The following NCKAP1L variants were observed in gnomAD, a reference collection of about 807,000 sequenced individuals.
NCKAP1L encodes nck-associated protein 1-like.
Under a neutral mutation model 139.2 loss-of-function variants are expected in NCKAP1L, and 53 were observed. That is an observed-to-expected ratio of 0.38 (90% CI 0.31 to 0.48). The LOEUF (loss-of-function observed/expected upper bound fraction) is 0.48. Among genes scored for constraint, NCKAP1L ranks in the 20% least tolerant of loss-of-function variants. The pLI is 0.98. For missense variants in NCKAP1L, 1,151 were observed against 1,381.9 expected, an observed-to-expected ratio of 0.83 and a Z score of 2.65; for synonymous variants, 468 against 499.7, an observed-to-expected ratio of 0.94 and a Z score of 0.85.
At chr12:54,530,472 C>T (rs551071518) in intron 22 of NCKAP1L, among the ~76,000 whole-genome samples, 59 of 152,108 alleles carry the variant, frequency 3.9e-4, no homozygotes, top group African/African-American at 1.3e-3. Flanking sequence ...TGAGACTCTG[C>T]GGGATGTGTG....
chr12:54,526,892 A>G lies in NCKAP1L; in HGVS notation c.2375+146A>G, dbSNP rs535988929. The G allele has an allele frequency of 2.7e-4, 180 of 668,770 alleles. No individual in the cohort carries two copies. In the African/African-American group the frequency reaches 2.7e-3, roughly 10 times the overall value. 41.4% of individuals were successfully genotyped at this position (668,770 alleles called of 1,614,324 possible). Reference sequence around the variant, plus strand: ...TTGCTTCTCCTTGAGGAATGGAGCAATAACCTGAGACAAGCCCAGATCCCC... The same window carrying G: ...TTGCTTCTCCTTGAGGAATGGAGCAGTAACCTGAGACAAGCCCAGATCCCC... On this transcript the variant is annotated intron_variant, in intron 21 of 30. Coordinates refer to ENST00000293373, the MANE Select transcript of NCKAP1L (RefSeq NM_005337.5).
intron 2 of NCKAP1L, among the ~76,000 whole-genome samples, chr12:54,500,175 G>A (rs1423221662): frequency 6.6e-6 from 1 of 150,382 alleles, no homozygotes; most frequent in African/African-American, 2.4e-5. Context: ...CCAGGCTGGA[G>A]TGCAGTAGCA....
In NCKAP1L at chr12:54,518,721, A is replaced by G. The variant is rs375669643; in HGVS notation, c.1409A>G (p.Asn470Ser). 6.2e-7 allele frequency: 1 copy of G among 1,613,254 alleles called. No individual in the cohort carries two copies. The highest frequency in any genetic ancestry group is 8.5e-7 in the Non-Finnish European group (1 of 1,179,230). ...SSFVSILSSL[N>S]LKQVDNGEKF... Reference sequence around the variant, plus strand: ...TTCGTCAGTATCCTCTCCTCTCTGAATCTCAAACAAGGTAACTGGAGGGAG... The same window carrying G: ...TTCGTCAGTATCCTCTCCTCTCTGAGTCTCAAACAAGGTAACTGGAGGGAG... Residue 470 changes from asparagine (N) to serine (S), a missense_variant, in exon 14 of 31, where the codon AAT (asparagine) becomes AGT (serine). Transcript: ENST00000293373.
rs1259673184 is a variant in NCKAP1L, at chr12:54,517,832, T to C, written c.1232T>C (p.Leu411Ser). ...DSSIAELLFLLEGIRSLVRRH... is the reference protein window; with the variant it reads ...DSSIAELLFLSEGIRSLVRRH... ...AGCATTGCAGAGCTACTTTTCTTGT[T>C]GGAGGGGATTAGGTCTCTGGTCCGA... Residue 411 changes from leucine to serine, a missense_variant, in exon 13 of 31, where the codon TTG becomes TCG. Transcript: ENST00000293373. 1 of 1,614,186 alleles carries C rather than the reference T, an allele frequency of 6.2e-7. No homozygotes were observed. Among genetic ancestry groups the C allele is most frequent in the Admixed American group, 1.7e-5 (1 of 60,022 alleles).
chr12:54,510,100 C>T, intron 7 of NCKAP1L, 115 bp downstream of exon 7: 1 of 1,349,624 alleles, frequency 7.4e-7, no homozygotes. Flanking sequence ...TAGTCTTCTT[C>T]TAGGGTATGT....
At position 54,531,727 on chromosome 12, in the gene NCKAP1L, G is replaced by A. The variant is rs757831656; in HGVS notation, c.2699-16G>A. On this transcript the variant is annotated splice_polypyrimidine_tract_variant and intron_variant, in intron 24 of 30. Coordinates refer to ENST00000293373, the MANE Select transcript of NCKAP1L (RefSeq NM_005337.5). ...CTCTCTAAATTATCTTTTCTAACAC[G>A]CTTCTTTCTCCTCAGGGGCTGAAAA... 8 of 1,609,576 alleles carry A rather than the reference G, an allele frequency of 5.0e-6. No homozygotes were observed. Among genetic ancestry groups the A allele is most frequent in the African/African-American group, 2.7e-5 (2 of 74,810 alleles).
At chr12:54,542,444 G>A (rs1390399994) in intron 30 of NCKAP1L, 131 bp from the exon 31 acceptor site, 1 of 693,796 alleles carries the variant, frequency 1.4e-6, no homozygotes, top group Non-Finnish European at 2.6e-6. Context: ...GAAGAGGGGG[G>A]TGTGATTTGG....
intron 21 of NCKAP1L, 69 bp downstream of exon 21, chr12:54,526,815 C>T: frequency 1.5e-6 from 2 of 1,355,124 alleles, no homozygotes; most frequent in Non-Finnish European, 2.1e-6. Flanking sequence ...ACGGTAGGAC[C>T]TCAGGGCCCG....
chr12:54,507,561 C>T (rs1565673221), intron 3 of NCKAP1L, among the ~76,000 whole-genome samples: 1 of 152,082 alleles, frequency 6.6e-6, no homozygotes, highest in African/African-American at 2.4e-5. Flanking sequence ...ATTTTACAAC[C>T]TTTTTTAATT....
Position 54,536,972 on chromosome 12 carries a change from C to A in NCKAP1L, c.3102C>A (p.Thr1034=). Residue 1034 remains threonine (T), a synonymous_variant, in exon 29 of 31, where the codon ACC becomes ACA. Coordinates refer to ENST00000293373, the MANE Select transcript of NCKAP1L (RefSeq NM_005337.5). ...DGYNNNIHCL[T]KAIIQVSAAL... The stretch of plus-strand genomic sequence containing the variant: ...ACAACAACAATATTCATTGCTTGAC[C>A]AAAGCCATCATCCAGGTGTCTGCTG... 1 of 1,613,134 alleles carries A rather than the reference C, an allele frequency of 6.2e-7. No homozygotes were observed. Among genetic ancestry groups the A allele is most frequent in the Non-Finnish European group, 8.5e-7 (1 of 1,179,350 alleles).
chr12:54,532,066 T>C (rs940136909), intron 25 of NCKAP1L, 104 bp from the exon 26 acceptor site: 8 of 939,364 alleles, frequency 8.5e-6, no homozygotes, highest in African/African-American at 1.7e-5. Flanking sequence ...GCTAGGTTCT[T>C]ATCTAAATTG....
intron 24 of NCKAP1L, 59 bp from the exon 25 acceptor site, chr12:54,531,684 C>G: frequency 6.2e-7 from 1 of 1,602,512 alleles, no homozygotes; most frequent in Non-Finnish European, 8.5e-7. Context: ...TCTGTAGAAT[C>G]AAAATCATCA....
At chr12:54,505,683 A>T (rs1420494477) in intron 3 of NCKAP1L, among the ~76,000 whole-genome samples, 15 of 139,528 alleles carry the variant, frequency 1.1e-4, no homozygotes, top group African/African-American at 3.2e-4. Context: ...TTTTTTTGAG[A>T]TGGAGTTTCA....
intron 9 of NCKAP1L, among the ~76,000 whole-genome samples, chr12:54,513,061 G>T (rs913571192): frequency 6.6e-6 from 1 of 152,084 alleles, no homozygotes; most frequent in Non-Finnish European, 1.5e-5. Flanking sequence ...AAGAGGATGG[G>T]GAACTATTGA....
At chr12:54,529,588 C>G (rs759711176) in intron 22 of NCKAP1L, among the ~76,000 whole-genome samples, 1 of 152,148 alleles carries the variant, frequency 6.6e-6, no homozygotes, top group Non-Finnish European at 1.5e-5. Flanking sequence ...CCCATCATCC[C>G]GCCTCCATCA....
At chr12:54,512,925 G>T (rs754903513) in intron 9 of NCKAP1L, among the ~76,000 whole-genome samples, 2 of 152,148 alleles carry the variant, frequency 1.3e-5, no homozygotes, top group Non-Finnish European at 2.9e-5. Flanking sequence ...AGCATGGCAA[G>T]TTCTGAGAAG....
chr12:54,516,763 C>G, intron 10 of NCKAP1L, 133 bp from the exon 11 acceptor site: 1 of 738,498 alleles, frequency 1.4e-6, no homozygotes. Flanking sequence ...CTTTTTTAAA[C>G]CAAGTCTAAC....
In NCKAP1L at chr12:54,523,859, G is replaced by A; in HGVS notation, c.2059G>A (p.Ala687Thr). 6.2e-7 allele frequency: 1 copy of A among 1,614,096 alleles called. No individual in the cohort carries two copies. Among genetic ancestry groups the A allele is most frequent in the South Asian group, 1.1e-5 (1 of 91,082 alleles). The change falls in exon 20 of 31, where the codon GCA becomes ACA. Residue 687 changes from alanine to threonine, a missense_variant. Physicochemically the swap from Ala to Thr is moderately conservative, Grantham distance 58 (BLOSUM62 0). Transcript: ENST00000293373. ...DKLHLNLTEL[A>T]LTMNHVYSFS... ...GCTACACCTAAACTTGACAGAACTG[G>A]CACTGACAATGAATCATGTATACAG...
In NCKAP1L at chr12:54,516,673, T is replaced by A. The variant is rs111389209; in HGVS notation, c.999-223T>A. The stretch of plus-strand genomic sequence containing the variant: ...GTTGGCCATGCTGGTCTTGAACTCC[T>A]GACCTCAGGTGATCTGCCCACCTCG... On this transcript the variant is annotated intron_variant, in intron 10 of 30. Transcript: ENST00000293373. Among the ~76,000 whole-genome samples the A allele has an allele frequency of 1.1e-3, 167 of 152,304 alleles. 1 individual carries two copies. The highest frequency in any genetic ancestry group is 4.0e-3 in the African/African-American group (165 of 41,566).
Sources: gnomAD v4.1 joint callset for allele counts (sites outside exome capture counted in the v4.1 genomes callset) on GRCh38, gnomAD v4.1.1 for gene constraint, MANE v1.5 for transcripts, NCBI Gene and HGNC (gene_info 2026-07-23, HGNC 2026-07-21) for gene names.